CARMIL1: variants seen among roughly 807,000 people sequenced by gnomAD.
CARMIL1 encodes the protein F-actin-uncapping protein LRRC16A.
In CARMIL1, 90 loss-of-function variants were observed where a neutral mutation model predicts 177.1. The ratio of observed to expected loss-of-function variants is 0.51; its 90% CI spans 0.43 to 0.61. The LOEUF (loss-of-function observed/expected upper bound fraction) is 0.61, where lower values mean the gene tolerates loss of function less well. Among genes scored for constraint, CARMIL1 ranks in the 20% least tolerant of loss-of-function variants. The pLI, the probability that CARMIL1 is intolerant of heterozygous loss-of-function variation, is 0.00. For missense variants in CARMIL1, 1,380 were observed against 1,667.0 expected (o/e 0.83, Z 3.00); for synonymous variants, 577 against 606.2 (o/e 0.95, Z 0.71).
At chr6:25,530,689 T>C (rs1222982145) in intron 24 of CARMIL1, among the ~76,000 whole-genome samples, 2 of 151,966 alleles carry the variant, frequency 1.3e-5, no homozygotes, top group African/African-American at 4.8e-5. Context: ...ATATTCCTTA[T>C]GAAAAAAAAG....
At chr6:25,543,926 A>C (rs1331902502) in intron 26 of CARMIL1, among the ~76,000 whole-genome samples, 1 of 152,162 alleles carries the variant, frequency 6.6e-6, no homozygotes, top group Non-Finnish European at 1.5e-5. Flanking sequence ...GATTTTAAAC[A>C]GGTTTCCTAA....
At chr6:25,309,855 C>T (rs1271809504) in intron 2 of CARMIL1, among the ~76,000 whole-genome samples, 3 of 150,766 alleles carry the variant, frequency 2.0e-5, no homozygotes, top group African/African-American at 2.4e-5. Flanking sequence ...CTGCAAGCTC[C>T]GTCTCCTGGG....
chr6:25,366,359 G>A (rs1789801090), intron 2 of CARMIL1, among the ~76,000 whole-genome samples: 1 of 151,988 alleles, frequency 6.6e-6, no homozygotes, highest in Non-Finnish European at 1.5e-5. Flanking sequence ...TTTCCATGCA[G>A]TTTGGGGCAC....
chr6:25,413,194 T>TA (rs1795073056), intron 2 of CARMIL1, among the ~76,000 whole-genome samples: 1 of 152,132 alleles, frequency 6.6e-6, no homozygotes, highest in Non-Finnish European at 1.5e-5. Context: ...GTAACGTACT[T>TA]AGAGCTGGGA....
At chr6:25,420,312 G>C in intron 3 of CARMIL1, 148 bp downstream of exon 3, 9 of 751,898 alleles carry the variant, frequency 1.2e-5, no homozygotes, top group Non-Finnish European at 2.0e-5. Flanking sequence ...ATAGACTTTT[G>C]ATTTAAGCTG....
intron 9 of CARMIL1, among the ~76,000 whole-genome samples, chr6:25,470,720 G>A (rs1184216605): frequency 6.6e-6 from 1 of 152,174 alleles, no homozygotes; most frequent in African/African-American, 2.4e-5. Flanking sequence ...CACAGGTGGT[G>A]CCTTTTAGCT....
chr6:25,373,952 T>G (rs1272595334), intron 2 of CARMIL1, among the ~76,000 whole-genome samples: 1 of 152,232 alleles, frequency 6.6e-6, no homozygotes, highest in African/African-American at 2.4e-5. Flanking sequence ...CTATCGATTT[T>G]GTTTATCTTT....
At chr6:25,585,744 A>T (rs891425764) in intron 31 of CARMIL1, among the ~76,000 whole-genome samples, 1 of 152,084 alleles carries the variant, frequency 6.6e-6, no homozygotes. Flanking sequence ...GGGAGTGGTG[A>T]TGACTCTTAA....
intron 2 of CARMIL1, among the ~76,000 whole-genome samples, chr6:25,378,592 A>G (rs1182862176): frequency 6.6e-6 from 1 of 152,162 alleles, no homozygotes. Context: ...AAGCATGTCC[A>G]GTGCTACTCC....
Position 25,471,183 on chromosome 6 carries a change from T to A in CARMIL1, c.705T>A (p.Cys235Ter). Residue 235 changes from cysteine (C) to a stop codon, truncating the protein, a stop_gained, in exon 10 of 37, where the codon TGT becomes TGA. Coordinates refer to ENST00000329474, the MANE Select transcript of CARMIL1 (RefSeq NM_017640.6). LOFTEE classifies it high-confidence loss of function. ...SKDLKLSTDVCEQILRVVSRS... is the reference protein window; with the variant it reads ...SKDLKLSTDV The stretch of plus-strand genomic sequence containing the variant: ...TTCTGTTACAGTCCACTGATGTCTG[T>A]GAACAGATCTTGAGGGTGGTGAGTA... The A allele has an allele frequency of 6.2e-7, 1 of 1,611,256 alleles. No individual in the cohort carries two copies. The highest frequency in any genetic ancestry group is 8.5e-7 in the Non-Finnish European group (1 of 1,178,202).
intron 5 of CARMIL1, 98 bp downstream of exon 5, chr6:25,435,702 C>T (rs1797163433): frequency 7.7e-7 from 1 of 1,302,534 alleles, no homozygotes; most frequent in Non-Finnish European, 1.0e-6. Flanking sequence ...CACTTAGTTC[C>T]TCTCTCAGAC....
chr6:25,371,417 A>T (rs1055425981), intron 2 of CARMIL1, among the ~76,000 whole-genome samples: 2 of 152,170 alleles, frequency 1.3e-5, no homozygotes, highest in African/African-American at 4.8e-5. Flanking sequence ...CCATGCCAAC[A>T]TCTATTGTAT....
intron 2 of CARMIL1, among the ~76,000 whole-genome samples, chr6:25,414,128 A>G (rs1795163970): frequency 6.6e-6 from 1 of 152,166 alleles, no homozygotes; most frequent in Admixed American, 6.5e-5. Context: ...CTGCAGAGGA[A>G]TATTCTTGTT....
intron 26 of CARMIL1, among the ~76,000 whole-genome samples, chr6:25,544,013 G>A (rs1809174231): frequency 6.6e-6 from 1 of 152,070 alleles, no homozygotes; most frequent in Non-Finnish European, 1.5e-5. Flanking sequence ...AACAAAATCG[G>A]ATTATCATAT....
chr6:25,586,318 G>A (rs1333821072), intron 31 of CARMIL1, among the ~76,000 whole-genome samples: 2 of 149,108 alleles, frequency 1.3e-5, no homozygotes, highest in Non-Finnish European at 3.0e-5. Flanking sequence ...TCCCAGACGG[G>A]GTCGCGGCCG....
chr6:25,522,637 T>C (rs1488319232), intron 23 of CARMIL1, among the ~76,000 whole-genome samples: 2 of 152,204 alleles, frequency 1.3e-5, no homozygotes, highest in Admixed American at 6.5e-5. Context: ...GTGTGTGGTC[T>C]TAGGATTTCC....
chr6:25,393,070 A>G (rs1334342182), intron 2 of CARMIL1, among the ~76,000 whole-genome samples: 1 of 152,126 alleles, frequency 6.6e-6, no homozygotes, highest in Non-Finnish European at 1.5e-5. Flanking sequence ...TGATTTAATT[A>G]TTCTGGCGGT....
chr6:25,438,296 A>G (rs1014502181), intron 5 of CARMIL1, among the ~76,000 whole-genome samples: 4 of 152,152 alleles, frequency 2.6e-5, no homozygotes, highest in African/African-American at 2.4e-5. Context: ...ATTTTCTACT[A>G]TATGCTAGGC....
chr6:25,561,511 C>G (rs1270898942), intron 29 of CARMIL1, among the ~76,000 whole-genome samples: 1 of 152,186 alleles, frequency 6.6e-6, no homozygotes, highest in Non-Finnish European at 1.5e-5. Flanking sequence ...CAGAACGCAT[C>G]TTTGTGAATC....
Sources: gnomAD v4.1 joint callset for allele counts (sites outside exome capture counted in the v4.1 genomes callset) on GRCh38, gnomAD v4.1.1 for gene constraint, MANE v1.5 for transcripts, NCBI Gene and HGNC (gene_info 2026-07-23, HGNC 2026-07-21) for gene names.